Variants in ALG12 observed in about 807,000 individuals in gnomAD.
ALG12 encodes the protein dol-P-Man:Man(7)GlcNAc(2)-PP-Dol alpha-1,6-mannosyltransferase.
A neutral mutation model predicts 46.0 loss-of-function variants in ALG12; 36 were observed. The ratio of observed to expected loss-of-function variants is 0.78; its 90% CI spans 0.60 to 1.03. The LOEUF is 1.03. Among genes scored for constraint, ALG12 ranks in the 50% least tolerant of loss-of-function variants. The pLI, the probability that ALG12 is intolerant of heterozygous loss-of-function variation, is 0.00. For synonymous variants in ALG12, 326 were observed against 291.6 expected (o/e 1.12, Z -1.20); for missense variants, 599 against 633.5 (o/e 0.95, Z 0.58).
At chr22:49,891,008 C>T in the ALG12 span, among the ~76,000 whole-genome samples, 20 of 149,494 alleles carry the variant, frequency 1.3e-4, no homozygotes, top group Admixed American at 9.4e-4. Context: ...CCAGCCTGGG[C>T]GACAGAGCGA....
rs770697511 is a variant in ALG12 at position 49,907,457 on chromosome 22, C to T, written c.992+264G>A. ...TGGGGTCACCCTCCTTTGACATAAG[C>T]GCCTAGTTCAACACACCCTGTGTTT... On this transcript the variant is annotated intron_variant, in intron 7 of 9. Coordinates refer to ENST00000330817, the MANE Select transcript of ALG12 (RefSeq NM_024105.4). 3.3e-5 allele frequency among the ~76,000 whole-genome samples: 5 copies of T among 152,162 alleles called. No homozygotes were observed. In the East Asian group the frequency reaches 5.8e-4, roughly 18 times the overall value.
In ALG12 at chr22:49,913,515, G is replaced by A. The variant is rs563259198; in HGVS notation, c.165C>T (p.Tyr55=). 3.8e-5 allele frequency: 62 copies of A among 1,613,834 alleles called. No individual in the cohort carries two copies. Among genetic ancestry groups the A allele is most frequent in the Non-Finnish European group, 5.1e-5 (60 of 1,180,056 alleles). Residue 55 remains tyrosine, a splice_region_variant and synonymous_variant, in exon 3 of 10, where the codon TAC becomes TAT. Transcript: ENST00000330817. ...LLYHWQDLEQ[Y]DHLEFPGVVP... is the part of the protein sequence containing the mutation. ...CGACTCCGGGGAACTCAAGATGGTCGTACTGCGAGGAGAAGGGCAGGTCAG... is the reference window on the plus strand; with the variant it reads ...CGACTCCGGGGAACTCAAGATGGTCATACTGCGAGGAGAAGGGCAGGTCAG...
the ALG12 span, among the ~76,000 whole-genome samples, chr22:49,865,003 C>T: frequency 7.1e-6 from 1 of 140,800 alleles, no homozygotes; most frequent in Admixed American, 7.5e-5. Flanking sequence ...TTCTCCCCTG[C>T]AAACCCTTAT....
the ALG12 span, among the ~76,000 whole-genome samples, chr22:49,869,015 T>G: frequency 6.6e-6 from 1 of 151,628 alleles, no homozygotes; most frequent in Non-Finnish European, 1.5e-5. Flanking sequence ...TCCGAGCTGC[T>G]TGTGAGACTG....
the ALG12 span, among the ~76,000 whole-genome samples, chr22:49,891,803 T>C: frequency 6.6e-6 from 1 of 152,194 alleles, no homozygotes; most frequent in Non-Finnish European, 1.5e-5. Flanking sequence ...CATAGTTTTG[T>C]CATAATATGC....
At position 49,910,715 on chromosome 22, in the gene ALG12, T is replaced by G. The variant is rs2060571976; in HGVS notation, c.296-108A>C. 3.1e-6 allele frequency: 4 copies of G among 1,307,664 alleles called. No individual in the cohort carries two copies. In the African/African-American group the frequency reaches 5.8e-5, roughly 19 times the overall value. The allele number at this position is 1,307,664 out of a possible 1,614,324, so 81.0% of individuals were successfully genotyped here. ...TCTTTCTATATGGAGTTTTCTATGC[T>G]GCTGCAATGCCAGCTGACGGCTACG... On this transcript the variant is annotated intron_variant, in intron 3 of 9. Coordinates refer to ENST00000330817, the MANE Select transcript of ALG12 (RefSeq NM_024105.4).
At chr22:49,897,950 C>T (rs2060490158), downstream of ALG12, among the ~76,000 whole-genome samples, 1 of 152,056 alleles carries the variant, frequency 6.6e-6, no homozygotes, top group African/African-American at 2.4e-5. Context: ...TGAGCCACCA[C>T]GTCCGGCCTC....
the ALG12 span, among the ~76,000 whole-genome samples, chr22:49,874,989 A>G: frequency 6.6e-6 from 1 of 151,982 alleles, no homozygotes; most frequent in Admixed American, 6.6e-5. Flanking sequence ...GGCCTGTTTT[A>G]ATTTTTTGAC....
chr22:49,872,966 G>A, the ALG12 span, among the ~76,000 whole-genome samples: 1 of 152,108 alleles, frequency 6.6e-6, no homozygotes, highest in Non-Finnish European at 1.5e-5. Flanking sequence ...AAAGTGCTAG[G>A]ATTACAGGCG....
intron 8 of ALG12, 28 bp downstream of exon 8, chr22:49,904,309 G>T (rs2060531076): frequency 6.2e-7 from 1 of 1,614,164 alleles, no homozygotes; most frequent in Non-Finnish European, 8.5e-7. Flanking sequence ...AGCCACAGCA[G>T]TCCCCAGGCA....
At chr22:49,886,051 A>G in the ALG12 span, 1 of 679,612 alleles carries the variant, frequency 1.5e-6, no homozygotes, top group Non-Finnish European at 2.7e-6. The surrounding 1 kb of genome is among the most constrained non-coding windows in gnomAD (Gnocchi z 7.7). Flanking sequence ...AGCGTGGGTG[A>G]CCTCCACCGG....
chr22:49,913,194 GCA>G (rs889965181), intron 3 of ALG12, among the ~76,000 whole-genome samples, 189 bp downstream of exon 3: 1 of 152,238 alleles, frequency 6.6e-6, no homozygotes, highest in African/African-American at 2.4e-5. Flanking sequence ...GAGTGTGGAG[GCA>G]CAGAGGGGCT....
At chr22:49,870,605 T>G in the ALG12 span, among the ~76,000 whole-genome samples, 1 of 152,324 alleles carries the variant, frequency 6.6e-6, no homozygotes, top group East Asian at 1.9e-4. Context: ...TCACGTCTGT[T>G]GGCCACTTTT....
chr22:49,879,193 C>T, the ALG12 span, among the ~76,000 whole-genome samples: 11 of 150,960 alleles, frequency 7.3e-5, no homozygotes, highest in Admixed American at 5.3e-4. Context: ...GGCGCAATCT[C>T]GGCTCACTGT....
At chr22:49,899,937 T>C (rs932181564), downstream of ALG12, among the ~76,000 whole-genome samples, 8 of 152,064 alleles carry the variant, frequency 5.3e-5, no homozygotes, top group Non-Finnish European at 8.8e-5. Flanking sequence ...GGCAGGAGGA[T>C]TGCTTGAAGC....
At chr22:49,885,158 G>C in the ALG12 span, 1 of 1,613,434 alleles carries the variant, frequency 6.2e-7, no homozygotes, top group East Asian at 2.2e-5. Context: ...TGCCTGATGA[G>C]ACATCTCTAC....
At chr22:49,911,432 G>GT (rs2060575870) in intron 3 of ALG12, among the ~76,000 whole-genome samples, 1 of 150,242 alleles carries the variant, frequency 6.7e-6, no homozygotes, top group South Asian at 2.1e-4. Context: ...GACTGCAAAT[G>GT]TCTTTTTTTT....
rs1365085612 is a variant in ALG12, at chr22:49,903,599, C to G, written c.*239G>C. 2 of 680,896 alleles carry G rather than the reference C, an allele frequency of 2.9e-6. No homozygotes were observed. The highest frequency in any genetic ancestry group is 2.0e-5 in the Admixed American group (1 of 49,084). 42.2% of individuals were successfully genotyped at this position (680,896 alleles called of 1,614,324 possible). A position where few individuals can be genotyped will look rare whatever the true frequency, so the allele number is the denominator to read the frequency against. ...GAAGCCCTGAGCTGGCCACCATCAC[C>G]CTGGGCAGTGGCTCCCGGGGTGCCA... On this transcript the variant is annotated 3_prime_UTR_variant, in exon 10 of 10. Transcript: ENST00000330817.
chr22:49,860,990 G>A, the ALG12 span, among the ~76,000 whole-genome samples: 1 of 60,950 alleles, frequency 1.6e-5, no homozygotes, highest in African/African-American at 3.2e-5. Context: ...TGTTGCCCAG[G>A]CTGGTCTCGA....
Sources: allele counts gnomAD v4.1 joint callset (sites outside exome capture counted in the v4.1 genomes callset), GRCh38; gene constraint gnomAD v4.1.1; non-coding constraint Gnocchi (gnomAD v3.1); transcripts MANE v1.5; gene names NCBI Gene and HGNC (gene_info 2026-07-23, HGNC 2026-07-21).